Variants in BSG observed in about 807,000 individuals in gnomAD.
BSG encodes basigin.
BSG carries 37 observed loss-of-function variants against 43.1 expected under a neutral mutation model. The ratio of observed to expected loss-of-function variants is 0.86; its 90% confidence interval spans 0.66 to 1.13. The LOEUF (loss-of-function observed/expected upper bound fraction) is 1.13, where lower values mean the gene tolerates loss of function less well. BSG is among the 50% of genes most tolerant of loss of function. The pLI, the probability that BSG is intolerant of heterozygous loss-of-function variation, is 0.00. For synonymous variants in BSG, 309 were observed against 238.7 expected (o/e 1.29, Z -2.72); for missense variants, 599 against 554.2 (o/e 1.08, Z -0.81).
At chr19:571,422 A>G (rs1194621281), upstream of BSG, 1 of 723,318 alleles carries the variant, frequency 1.4e-6, no homozygotes, top group Middle Eastern at 3.4e-4. Flanking sequence ...GTGTCGCCCC[A>G]ATAGCGACTT....
At position 577,929 on chromosome 19, in the gene BSG, C is replaced by T. The variant is rs371435815; in HGVS notation, c.223C>T (p.Arg75Trp). Residue 75 changes from arginine to tryptophan, a missense_variant, in exon 2 of 9, where the codon CGG (arginine) becomes TGG (tryptophan). Physicochemically the swap from Arg to Trp is moderately radical, Grantham distance 101. Transcript: ENST00000333511. ...DTCSQLWDGA[R>W]LDRVHIHATY... The stretch of plus-strand genomic sequence containing the variant: ...CTGCTCCCAGCTCTGGGACGGCGCC[C>T]GGCTGGACCGCGTCCACATCCACGC... 87 of 1,605,120 alleles carry T rather than the reference C, an allele frequency of 5.4e-5. No individual in the cohort carries two copies. Among genetic ancestry groups the T allele is most frequent in the Non-Finnish European group, 7.0e-5 (82 of 1,174,956 alleles).
rs1312344213 is a variant in BSG at position 582,579 on chromosome 19, G to T, written c.*2G>T. 4 of 1,595,134 alleles carry T rather than the reference G, an allele frequency of 2.5e-6. No homozygotes were observed. Among genetic ancestry groups the T allele is most frequent in the Non-Finnish European group, 3.4e-6 (4 of 1,172,698 alleles). ...GTCCGCCAGAGGAACTCTTCCTGAG[G>T]CAGGTGCGGTGGGCGGGAGCTCCTC... On this transcript the variant is annotated 3_prime_UTR_variant, in exon 8 of 9. Coordinates refer to ENST00000333511, the MANE Select transcript of BSG (RefSeq NM_001728.4).
intron 2 of BSG, among the ~76,000 whole-genome samples, chr19:578,426 G>T (rs1212494593): frequency 1.3e-5 from 2 of 152,258 alleles, no homozygotes; most frequent in African/African-American, 4.8e-5. Flanking sequence ...CGCCTGCCCG[G>T]CTCCCTCCCT....
chr19:571,752 A>G, upstream of BSG: 1 of 646,032 alleles, frequency 1.5e-6, no homozygotes, highest in South Asian at 1.7e-5. Context: ...CACGGGACAA[A>G]GGAAGGGAGC....
intron 1 of BSG, 69 bp from the exon 2 acceptor site, chr19:577,705 C>A: frequency 7.9e-7 from 1 of 1,261,416 alleles, no homozygotes; most frequent in Non-Finnish European, 1.0e-6. Flanking sequence ...GTGGGCGAGG[C>A]CTTCCCCAGG....
At chr19:582,278 C>CT (rs1213791698) in intron 6 of BSG, 28 bp from the exon 7 acceptor site, 5 of 1,605,236 alleles carry the variant, frequency 3.1e-6, no homozygotes, top group Non-Finnish European at 3.4e-6. Context: ...CTCTCGTCCT[C>CT]TTTTTCATGG....
intron 3 of BSG, 102 bp downstream of exon 3, chr19:579,758 T>C (rs1297451029): frequency 2.0e-6 from 3 of 1,477,250 alleles, no homozygotes; most frequent in Admixed American, 2.4e-5. Flanking sequence ...TCGGCAGGCT[T>C]GATCCAGGCG....
chr19:571,285 T>G, upstream of BSG: 1 of 563,458 alleles, frequency 1.8e-6, no homozygotes, highest in South Asian at 2.1e-5. Context: ...TTCCCGCCAG[T>G]GTAGCCACAT....
chr19:578,151 C>T (rs1384117705), intron 2 of BSG, 30 bp downstream of exon 2: 1 of 1,493,302 alleles, frequency 6.7e-7, no homozygotes, highest in East Asian at 2.5e-5. Context: ...CTCCCCGCCT[C>T]CCTCAGTTTC....
At chr19:571,864 C>T (rs920524660), upstream of BSG, 27 of 471,562 alleles carry the variant, frequency 5.7e-5, no homozygotes, top group African/African-American at 4.9e-4. Flanking sequence ...ATAGGGTAAA[C>T]GCGCCACCTG....
chr19:580,328 G>A (rs1982171834), intron 3 of BSG, 51 bp from the exon 4 acceptor site: 23 of 1,562,590 alleles, frequency 1.5e-5, no homozygotes, highest in Non-Finnish European at 1.8e-5. Flanking sequence ...TGGGTCCTTG[G>A]AGGCGTCCTG....
chr19:582,854 T>G lies in BSG; in HGVS notation c.*110T>G, dbSNP rs1982458102. On this transcript the variant is annotated 3_prime_UTR_variant, in exon 9 of 9. Coordinates refer to ENST00000333511, the MANE Select transcript of BSG (RefSeq NM_001728.4). Reference sequence around the variant, plus strand: ...CACCTCTTAAAGAAAACCCACCCCGTAGATTCCCATCATACACTTCCTTCT... The same window carrying G: ...CACCTCTTAAAGAAAACCCACCCCGGAGATTCCCATCATACACTTCCTTCT... The G allele has an allele frequency of 3.7e-6, 2 of 536,480 alleles. No individual in the cohort carries two copies. The highest frequency in any genetic ancestry group is 6.4e-5 in the East Asian group (2 of 31,412). The allele number at this position is 536,480 out of a possible 1,614,324, so 33.2% of individuals were successfully genotyped here.
chr19:579,503 G>T lies in BSG; in HGVS notation c.419G>T (p.Gly140Val). 6.2e-7 allele frequency: 1 copy of T among 1,612,528 alleles called. No individual in the cohort carries two copies. The highest frequency in any genetic ancestry group is 8.5e-7 in the Non-Finnish European group (1 of 1,179,896). The change falls in exon 3 of 9, where the codon GGC becomes GTC. Residue 140 changes from glycine to valine, a missense_variant. Gly to Val is a moderately radical substitution (Grantham distance 109). Coordinates refer to ENST00000333511, the MANE Select transcript of BSG (RefSeq NM_001728.4). Reference sequence around the variant, plus strand: ...CGCGTCTCGCCGGGCCTTGCAGCCGGCACAGTCTTCACTACCGTAGAAGAC... The same window carrying T: ...CGCGTCTCGCCGGGCCTTGCAGCCGTCACAGTCTTCACTACCGTAGAAGAC... Reference protein sequence around the residue: ...AQAVVLVLEPGTVFTTVEDLG... With the variant: ...AQAVVLVLEPVTVFTTVEDLG...
Position 574,017 on chromosome 19 carries a change from G to A in BSG, c.67+1316G>A, listed in dbSNP as rs564731463. Among the ~76,000 whole-genome samples, 137 of 152,322 alleles carry A rather than the reference G, an allele frequency of 9.0e-4. 1 individual carries two copies. Among genetic ancestry groups the A allele is most frequent in the African/African-American group, 3.0e-3 (126 of 41,574 alleles). On this transcript the variant is annotated intron_variant, in intron 1 of 8. Transcript: ENST00000333511. ...CACCTGTAATCCCAGCACTTTGGGA[G>A]GCTGAGGCGGGTGGATCACCTGAGG...
At chr19:572,446 G>A (rs1049222458), upstream of BSG, 13 of 1,147,148 alleles carry the variant, frequency 1.1e-5, no homozygotes, top group African/African-American at 1.6e-5. Context: ...GCCTGCCGGA[G>A]CCGGCGCGTA....
At chr19:572,917 C>G (rs559959467) in intron 1 of BSG, among the ~76,000 whole-genome samples, 1 of 152,114 alleles carries the variant, frequency 6.6e-6, no homozygotes, top group South Asian at 2.1e-4. Flanking sequence ...CGCGGCCTGC[C>G]GGGCTCCCCC....
In BSG at chr19:578,133, G is replaced by T; in HGVS notation, c.415+12G>T. On this transcript the variant is annotated intron_variant, in intron 2 of 8. Coordinates refer to ENST00000333511, the MANE Select transcript of BSG (RefSeq NM_001728.4). ...GCTAGTCCTGGAACGTGAGTGGCGGGCACCTCCCTCCCCGCCTCCCTCAGT... is the reference window on the plus strand; with the variant it reads ...GCTAGTCCTGGAACGTGAGTGGCGGTCACCTCCCTCCCCGCCTCCCTCAGT... The T allele has an allele frequency of 6.5e-7, 1 of 1,532,648 alleles. No individual in the cohort carries two copies. Among genetic ancestry groups the T allele is most frequent in the Non-Finnish European group, 8.8e-7 (1 of 1,135,134 alleles). The allele number at this position is 1,532,648 out of a possible 1,614,324, so 94.9% of individuals were successfully genotyped here.
intron 1 of BSG, among the ~76,000 whole-genome samples, chr19:576,980 T>G (rs1005590092): frequency 7.3e-6 from 1 of 136,394 alleles, no homozygotes; most frequent in Non-Finnish European, 1.6e-5. Flanking sequence ...GTGTGTGTGT[T>G]GTAGCGGTGC....
At chr19:578,417 G>GC (rs1568350699) in intron 2 of BSG, among the ~76,000 whole-genome samples, 1 of 152,232 alleles carries the variant, frequency 6.6e-6, no homozygotes, top group Admixed American at 6.5e-5. Context: ...TTCCCCGGGC[G>GC]CCTGCCCGGC....
Sources: allele counts gnomAD v4.1 joint callset (sites outside exome capture counted in the v4.1 genomes callset), GRCh38; gene constraint gnomAD v4.1.1; transcripts MANE v1.5; gene names NCBI Gene and HGNC (gene_info 2026-07-23, HGNC 2026-07-21).